Variants in QKI observed in about 807,000 individuals in gnomAD.
QKI encodes QKI, KH domain containing RNA binding.
Under a neutral mutation model 39.0 loss-of-function variants are expected in QKI, and 10 were observed. The ratio of observed to expected loss-of-function variants is 0.26; its 90% CI spans 0.16 to 0.43. The LOEUF (loss-of-function observed/expected upper bound fraction) is 0.43, where lower values mean the gene tolerates loss of function less well. QKI is among the 20% of genes least tolerant of loss of function. The pLI is 1.00. For missense variants in QKI, 218 were observed against 428.0 expected, an observed-to-expected ratio of 0.51 and a Z score of 4.33; for synonymous variants, 204 against 155.4, an observed-to-expected ratio of 1.31 and a Z score of -2.33.
At chr6:163,543,381 G>A (rs1781666154) in intron 4 of QKI, among the ~76,000 whole-genome samples, 1 of 151,928 alleles carries the variant, frequency 6.6e-6, no homozygotes, top group Admixed American at 6.6e-5. Context: ...GTAAAGAAAG[G>A]TGTTGTTACT....
At chr6:163,465,882 G>T (rs1791702758) in intron 2 of QKI, among the ~76,000 whole-genome samples, 1 of 151,950 alleles carries the variant, frequency 6.6e-6, no homozygotes, top group Non-Finnish European at 1.5e-5. Flanking sequence ...CCAGAACTTT[G>T]GGAGGCCGAA....
At chr6:163,515,088 G>A (rs1779711033) in intron 3 of QKI, among the ~76,000 whole-genome samples, 3 of 152,082 alleles carry the variant, frequency 2.0e-5, no homozygotes, top group African/African-American at 7.2e-5. Context: ...TGTGTGAACA[G>A]GCAATTCACA....
At chr6:163,502,144 G>A (rs1459521104) in intron 3 of QKI, among the ~76,000 whole-genome samples, 4 of 151,872 alleles carry the variant, frequency 2.6e-5, no homozygotes, top group African/African-American at 7.3e-5. Flanking sequence ...GCAACACAGC[G>A]AAACCCCATC....
At chr6:163,569,782 T>G (rs1297165645) in intron 7 of QKI, 2 of 985,848 alleles carry the variant, frequency 2.0e-6, no homozygotes, top group Non-Finnish European at 1.2e-6. Flanking sequence ...TTGCAGAGTA[T>G]TAGCTTTGAA....
At chr6:163,475,223 A>G (rs138803085) in intron 2 of QKI, among the ~76,000 whole-genome samples, 1 of 152,332 alleles carries the variant, frequency 6.6e-6, no homozygotes, top group East Asian at 1.9e-4. Flanking sequence ...AACAGACCTA[A>G]GTACTGTCAG....
At chr6:163,524,600 C>A (rs897933771) in intron 3 of QKI, among the ~76,000 whole-genome samples, 35 of 151,744 alleles carry the variant, frequency 2.3e-4, no homozygotes, top group African/African-American at 7.7e-4. Flanking sequence ...TCCCTAGTAG[C>A]TAGGATTACA....
intron 1 of QKI, chr6:163,423,613 G>A (rs1482892961): frequency 6.6e-6 from 1 of 152,196 alleles, no homozygotes; most frequent in African/African-American, 2.4e-5. Context: ...CAAACCAAAT[G>A]ATTTTTTGCT....
In QKI at chr6:163,529,091, A is replaced by G. The variant is rs546665600; in HGVS notation, c.403-5891A>G. 1.0e-3 allele frequency among the ~76,000 whole-genome samples: 153 copies of G among 152,296 alleles called. 1 individual carries two copies. The highest frequency in any genetic ancestry group is 1.7e-3 in the Non-Finnish European group (114 of 68,010). On this transcript the variant is annotated intron_variant, in intron 3 of 7. Transcript: ENST00000361752. ...ATGGGTTGTGAAAACCAGACCTCATAAGAGTTATTGTAGAAAATCTGGGAG... is the reference window on the plus strand; with the variant it reads ...ATGGGTTGTGAAAACCAGACCTCATGAGAGTTATTGTAGAAAATCTGGGAG...
chr6:163,513,614 A>C (rs1351850371), intron 3 of QKI, among the ~76,000 whole-genome samples: 1 of 152,172 alleles, frequency 6.6e-6, no homozygotes. Flanking sequence ...AACATACAGC[A>C]ATCTATACTA....
At chr6:163,490,635 G>A (rs1217062014) in intron 3 of QKI, among the ~76,000 whole-genome samples, 2 of 152,066 alleles carry the variant, frequency 1.3e-5, no homozygotes, top group Non-Finnish European at 2.9e-5. Context: ...TGGAGATAAG[G>A]CTGAGGTCTG....
At chr6:163,463,743 A>G (rs1791515396) in intron 2 of QKI, among the ~76,000 whole-genome samples, 1 of 152,206 alleles carries the variant, frequency 6.6e-6, no homozygotes, top group Non-Finnish European at 1.5e-5. Flanking sequence ...GAAGGCAATA[A>G]AGGTCAACAA....
At position 163,420,111 on chromosome 6, in the gene QKI, G is replaced by C. The variant is rs137985727; in HGVS notation, c.142+4776G>C. Among the ~76,000 whole-genome samples the C allele has an allele frequency of 1.2e-3, 180 of 148,396 alleles. 1 individual carries two copies. Among genetic ancestry groups the C allele is most frequent in the African/African-American group, 4.3e-3 (172 of 40,240 alleles). The stretch of plus-strand genomic sequence containing the variant: ...GAAGCATGATTCAGATTCTTTTTTT[G>C]AGGCCAATATACTTAGACATGTAAG... On this transcript the variant is annotated intron_variant, in intron 1 of 7. Transcript: ENST00000361752.
intron 3 of QKI, among the ~76,000 whole-genome samples, chr6:163,523,685 C>CA (rs1780298038): frequency 6.6e-6 from 1 of 151,930 alleles, no homozygotes; most frequent in African/African-American, 2.4e-5. Context: ...ATATGTGAGA[C>CA]AAATACAGAA....
At chr6:163,505,833 A>G (rs1779058511) in intron 3 of QKI, among the ~76,000 whole-genome samples, 1 of 152,162 alleles carries the variant, frequency 6.6e-6, no homozygotes, top group Non-Finnish European at 1.5e-5. Context: ...ATGGTTATGA[A>G]ATGTGAAAAG....
chr6:163,518,324 G>T (rs1779955353), intron 3 of QKI, among the ~76,000 whole-genome samples: 1 of 152,114 alleles, frequency 6.6e-6, no homozygotes, highest in Non-Finnish European at 1.5e-5. Context: ...TCCAGTCAAA[G>T]ATAAGATACA....
At chr6:163,430,828 C>T (rs1582971459) in intron 1 of QKI, among the ~76,000 whole-genome samples, 1 of 152,098 alleles carries the variant, frequency 6.6e-6, no homozygotes, top group South Asian at 2.1e-4. Flanking sequence ...AAGTGTGTTC[C>T]ATGGAATACT....
At chr6:163,421,275 G>C (rs1311072090) in intron 1 of QKI, among the ~76,000 whole-genome samples, 1 of 152,128 alleles carries the variant, frequency 6.6e-6, no homozygotes, top group African/African-American at 2.4e-5. Flanking sequence ...TCATTGTTGG[G>C]AAGGAGATTT....
chr6:163,467,734 A>G (rs1016870427), intron 2 of QKI, among the ~76,000 whole-genome samples: 3 of 152,204 alleles, frequency 2.0e-5, no homozygotes, highest in African/African-American at 7.2e-5. Context: ...GTAACAAGGC[A>G]TAAGATGCTC....
chr6:163,486,365 A>T (rs541847808), intron 3 of QKI, among the ~76,000 whole-genome samples: 1 of 152,332 alleles, frequency 6.6e-6, no homozygotes, highest in South Asian at 2.1e-4. Flanking sequence ...AGATGTCCCT[A>T]TAACTCCTTG....
Sources: allele counts gnomAD v4.1 joint callset (sites outside exome capture counted in the v4.1 genomes callset), GRCh38; gene constraint gnomAD v4.1.1; transcripts MANE v1.5; gene names NCBI Gene and HGNC (gene_info 2026-07-23, HGNC 2026-07-21).